Variants in KCTD20 observed in about 807,000 individuals in gnomAD.
KCTD20 encodes the protein potassium channel tetramerization domain containing 20.
In KCTD20, 30 loss-of-function variants were observed where a neutral mutation model predicts 39.6. The observed-to-expected ratio is 0.76, with a 90% CI of 0.57 to 1.03. The LOEUF (loss-of-function observed/expected upper bound fraction) is 1.03. Ranked by LOEUF, KCTD20 falls within the 50% of genes least tolerant of loss-of-function variation. The pLI, the probability that KCTD20 is intolerant of heterozygous loss-of-function variation, is 0.00. For missense variants in KCTD20, 422 were observed against 522.0 expected (o/e 0.81, Z 1.87); for synonymous variants, 162 against 180.6 (o/e 0.90, Z 0.83).
At chr6:36,480,715 G>A (rs1776219377) in intron 5 of KCTD20, among the ~76,000 whole-genome samples, 1 of 152,014 alleles carries the variant, frequency 6.6e-6, no homozygotes, top group Non-Finnish European at 1.5e-5. Context: ...ACCATGCCCG[G>A]CTAATTTTTG....
chr6:36,478,605 T>C (rs1426249170), intron 3 of KCTD20, among the ~76,000 whole-genome samples: 1 of 152,098 alleles, frequency 6.6e-6, no homozygotes, highest in Non-Finnish European at 1.5e-5. Flanking sequence ...TTAACATAGC[T>C]GCATCTAACA....
At chr6:36,447,407 C>A (rs1024526682) in intron 1 of KCTD20, among the ~76,000 whole-genome samples, 4 of 152,018 alleles carry the variant, frequency 2.6e-5, no homozygotes, top group Non-Finnish European at 5.9e-5. Flanking sequence ...GTGGGTGGAT[C>A]ATTTGAGGCT....
At chr6:36,480,076 G>A (rs992004688) in intron 5 of KCTD20, among the ~76,000 whole-genome samples, 84 of 152,162 alleles carry the variant, frequency 5.5e-4, no homozygotes, top group African/African-American at 2.0e-3. Flanking sequence ...TTACAGGCGT[G>A]AGCCACCAAG....
chr6:36,482,502 G>A lies in KCTD20; in HGVS notation c.856+743G>A, dbSNP rs567275394. Among the ~76,000 whole-genome samples the A allele has an allele frequency of 3.3e-5, 5 of 152,032 alleles. No individual in the cohort carries two copies. In the East Asian group the frequency reaches 5.8e-4, roughly 18 times the overall value. On this transcript the variant is annotated intron_variant, in intron 6 of 7. Transcript: ENST00000373731. ...TGGGAGGCGGCGGTTGCAGTGAGCC[G>A]AGATCACGCCATTGCGCTCCAGCCC...
At chr6:36,446,375 A>G (rs571103438) in intron 1 of KCTD20, among the ~76,000 whole-genome samples, 34 of 152,278 alleles carry the variant, frequency 2.2e-4, no homozygotes, top group Non-Finnish European at 4.4e-4. Flanking sequence ...TTAGATAACT[A>G]CTTTGGTGAT....
intron 3 of KCTD20, among the ~76,000 whole-genome samples, chr6:36,477,470 C>A (rs984208311): frequency 5.4e-5 from 8 of 148,340 alleles, no homozygotes; most frequent in African/African-American, 1.7e-4. Flanking sequence ...GAAATGGAAT[C>A]ATTTTCTTTT....
At chr6:36,456,905 T>G (rs1028574786) in intron 1 of KCTD20, among the ~76,000 whole-genome samples, 1 of 152,050 alleles carries the variant, frequency 6.6e-6, no homozygotes. Flanking sequence ...CCTCCTCTCA[T>G]GCAAACCTTG....
At chr6:36,453,617 C>T (rs553492001) in intron 1 of KCTD20, among the ~76,000 whole-genome samples, 4 of 151,120 alleles carry the variant, frequency 2.6e-5, no homozygotes, top group Non-Finnish European at 5.9e-5. Flanking sequence ...TGGGTTCAAG[C>T]GATTCTCCTG....
At chr6:36,462,098 C>T (rs1221587495) in intron 1 of KCTD20, among the ~76,000 whole-genome samples, 1 of 152,160 alleles carries the variant, frequency 6.6e-6, no homozygotes, top group Admixed American at 6.6e-5. Context: ...GCTTCACCAA[C>T]TCTCTTTTGG....
In KCTD20 at chr6:36,474,771, C is replaced by A; in HGVS notation, c.161-18C>A. On this transcript the variant is annotated intron_variant, in intron 2 of 7. Transcript: ENST00000373731. ...TTTTGCTCTCAAGTTGTTTTGGTTT[C>A]TTTGTATGTTCTTTTAGACCTCTCA... 1 of 1,544,612 alleles carries A rather than the reference C, an allele frequency of 6.5e-7. No homozygotes were observed. Among genetic ancestry groups the A allele is most frequent in the South Asian group, 1.2e-5 (1 of 80,862 alleles).
intron 3 of KCTD20, among the ~76,000 whole-genome samples, chr6:36,477,118 ATTTGT>A (rs1032777986): frequency 2.6e-4 from 40 of 152,278 alleles, no homozygotes; most frequent in African/African-American, 8.4e-4. Flanking sequence ...AGTTATTTAG[ATTTGT>A]TCTGTTCTGT....
intron 5 of KCTD20, 88 bp downstream of exon 5, chr6:36,479,799 T>C (rs1776187606): frequency 9.1e-7 from 1 of 1,095,670 alleles, no homozygotes; most frequent in Non-Finnish European, 1.2e-6. Context: ...TTTTTTTTTT[T>C]TTTTTTTTTT....
At position 36,487,073 on chromosome 6, in the gene KCTD20, G is replaced by A. The variant is rs1582382598; in HGVS notation, c.1158G>A (p.Leu386=). 1.2e-6 allele frequency: 2 copies of A among 1,614,182 alleles called. No individual in the cohort carries two copies. Among genetic ancestry groups the A allele is most frequent in the Non-Finnish European group, 8.5e-7 (1 of 1,180,034 alleles). ...TGGTAGCTGCTGGAGATGATGTCTTGGAGGACCAGGAGATATTAATGCATC... is the reference window on the plus strand; with the variant it reads ...TGGTAGCTGCTGGAGATGATGTCTTAGAGGACCAGGAGATATTAATGCATC... ...TNLVAAGDDV[L]EDQEILMHHP... Residue 386 remains leucine, a synonymous_variant, in exon 8 of 8, where the codon TTG becomes TTA. Transcript: ENST00000373731.
chr6:36,474,832 C>T lies in KCTD20; in HGVS notation c.204C>T (p.Phe68=). 6.2e-7 allele frequency: 1 copy of T among 1,613,444 alleles called. No homozygotes were observed. The highest frequency in any genetic ancestry group is 8.5e-7 in the Non-Finnish European group (1 of 1,179,490). Residue 68 remains phenylalanine, a synonymous_variant, in exon 3 of 8, where the codon TTC becomes TTT. Transcript: ENST00000373731. ...CCTCTCAGCCAGCAAATCTTCAGTT[C>T]CCTCACATAATGCCCCTTGCTGAAG... The part of the protein sequence containing the change: ...DYASQPANLQ[F]PHIMPLAEDI...
At chr6:36,478,863 T>A (rs966023791) in intron 3 of KCTD20, among the ~76,000 whole-genome samples, 2 of 152,234 alleles carry the variant, frequency 1.3e-5, no homozygotes, top group Non-Finnish European at 2.9e-5. Context: ...AGAAACTCAC[T>A]ACAGATGAAC....
Position 36,486,911 on chromosome 6 carries a change from G to C in KCTD20, c.996G>C (p.Lys332Asn). The C allele has an allele frequency of 6.2e-7, 1 of 1,613,156 alleles. No individual in the cohort carries two copies. The change falls in exon 8 of 8, where the codon AAG becomes AAC. Residue 332 changes from lysine (K) to asparagine (N), a missense_variant. Coordinates refer to ENST00000373731, the MANE Select transcript of KCTD20 (RefSeq NM_173562.5). ...ACCCTACCTGTAAAGAAAAAATTAA[G>C]AGAAGGCCTGGCGGCCGGTCTGAAG... Reference protein sequence around the residue: ...EGYPTCKEKIKRRPGGRSEVI... With the variant: ...EGYPTCKEKINRRPGGRSEVI...
chr6:36,456,681 G>A (rs58093537), intron 1 of KCTD20, among the ~76,000 whole-genome samples: 35,713 of 149,300 alleles, frequency 0.24, 4,456 homozygotes, highest in East Asian at 0.39. Context: ...TTGACCTCCT[G>A]AGCTCAAATG....
chr6:36,466,838 A>G (rs2127441998), intron 1 of KCTD20, among the ~76,000 whole-genome samples: 1 of 152,188 alleles, frequency 6.6e-6, no homozygotes, highest in African/African-American at 2.4e-5. Flanking sequence ...GAACCTTACT[A>G]TTATATTTAA....
At chr6:36,484,150 G>A (rs1273938867) in intron 6 of KCTD20, among the ~76,000 whole-genome samples, 1 of 151,976 alleles carries the variant, frequency 6.6e-6, no homozygotes, top group Non-Finnish European at 1.5e-5. Context: ...TAGTCAGGCT[G>A]GTCTCCAACT....
Sources: gnomAD v4.1 joint callset for allele counts (sites outside exome capture counted in the v4.1 genomes callset) on GRCh38, gnomAD v4.1.1 for gene constraint, MANE v1.5 for transcripts, NCBI Gene and HGNC (gene_info 2026-07-23, HGNC 2026-07-21) for gene names.